The following PPARGC1A variants were observed in gnomAD, a reference collection of about 807,000 sequenced individuals.
PPARGC1A encodes PPARG coactivator 1 alpha, also known as peroxisome proliferator-activated receptor gamma coactivator 1-alpha.
PPARGC1A carries 25 observed loss-of-function variants against 88.7 expected under a neutral mutation model. The observed-to-expected ratio is 0.28, with a 90% CI of 0.21 to 0.39. The LOEUF is 0.39. PPARGC1A is among the 10% of genes least tolerant of loss of function. The pLI is 1.00. For missense variants in PPARGC1A, 880 were observed against 968.7 expected, an observed-to-expected ratio of 0.91 and a Z score of 1.22; for synonymous variants, 363 against 355.6, an observed-to-expected ratio of 1.02 and a Z score of -0.24.
At chr4:24,323,615 ACT>A in the PPARGC1A span, among the ~76,000 whole-genome samples, 752 of 151,554 alleles carry the variant, frequency 5.0e-3, 8 homozygotes, top group South Asian at 0.025. Context: ...CCCTTCACTG[ACT>A]CTCTTTTCGG....
At chr4:24,374,415 T>G in the PPARGC1A span, among the ~76,000 whole-genome samples, 1 of 148,572 alleles carries the variant, frequency 6.7e-6, no homozygotes, top group African/African-American at 2.5e-5. Context: ...AGGGTGGGGG[T>G]GGAAGGAGGG....
chr4:24,325,905 C>T, the PPARGC1A span, among the ~76,000 whole-genome samples: 1 of 152,190 alleles, frequency 6.6e-6, no homozygotes, highest in Non-Finnish European at 1.5e-5. Context: ...GTGGCACCAA[C>T]TTAGACAACA....
the PPARGC1A span, among the ~76,000 whole-genome samples, chr4:24,233,356 T>C: frequency 6.6e-6 from 1 of 151,438 alleles, no homozygotes; most frequent in Non-Finnish European, 1.5e-5. Flanking sequence ...TCTCTCTCTG[T>C]CTTTCTCTCT....
the PPARGC1A span, among the ~76,000 whole-genome samples, chr4:24,275,753 CTT>C: frequency 2.6e-5 from 4 of 152,200 alleles, no homozygotes; most frequent in Non-Finnish European, 5.9e-5. Context: ...CATCAACAGT[CTT>C]TAACAACTCC....
the PPARGC1A span, among the ~76,000 whole-genome samples, chr4:24,362,747 T>C: frequency 6.6e-6 from 1 of 152,158 alleles, no homozygotes; most frequent in Non-Finnish European, 1.5e-5. Context: ...CAGACACAGT[T>C]TCTTCCCATT....
chr4:24,158,496 A>G, the PPARGC1A span, among the ~76,000 whole-genome samples: 1 of 152,138 alleles, frequency 6.6e-6, no homozygotes, highest in African/African-American at 2.4e-5. Context: ...AAAATCGCTC[A>G]CTTCCCTGAA....
At chr4:24,365,238 A>AG in the PPARGC1A span, among the ~76,000 whole-genome samples, 1 of 152,200 alleles carries the variant, frequency 6.6e-6, no homozygotes, top group Admixed American at 6.5e-5. Context: ...ATGAAAATAA[A>AG]GGGGAAAAAA....
the PPARGC1A span, among the ~76,000 whole-genome samples, chr4:23,976,381 G>T: frequency 6.6e-6 from 1 of 152,086 alleles, no homozygotes; most frequent in Non-Finnish European, 1.5e-5. Context: ...TGGGGATGGG[G>T]GTGTTAACAC....
At chr4:23,890,989 T>G (rs981485357), upstream of PPARGC1A, among the ~76,000 whole-genome samples, 1 of 152,122 alleles carries the variant, frequency 6.6e-6, no homozygotes, top group Non-Finnish European at 1.5e-5. Flanking sequence ...CCCTGGGTTG[T>G]GTAGTTTGCG....
chr4:23,869,722 T>C (rs1026875355), intron 2 of PPARGC1A, among the ~76,000 whole-genome samples: 4 of 152,164 alleles, frequency 2.6e-5, no homozygotes, highest in African/African-American at 7.2e-5. Context: ...CGATTTCGTA[T>C]GCTCCAGATG....
At chr4:24,105,627 G>A in the PPARGC1A span, among the ~76,000 whole-genome samples, 95 of 152,132 alleles carry the variant, frequency 6.2e-4, 1 homozygote, top group African/African-American at 2.0e-3. Context: ...TATGTTACTC[G>A]TCCATGGACC....
the PPARGC1A span, among the ~76,000 whole-genome samples, chr4:24,004,484 C>T: frequency 1.3e-5 from 2 of 152,152 alleles, no homozygotes; most frequent in African/African-American, 4.8e-5. Context: ...ACAGATAAAT[C>T]CAAACTGATT....
chr4:24,312,308 G>A, the PPARGC1A span, among the ~76,000 whole-genome samples: 1 of 152,004 alleles, frequency 6.6e-6, no homozygotes, highest in East Asian at 1.9e-4. Context: ...ACGCACTTGT[G>A]GCTTGCCATT....
chr4:23,810,052 C>T (rs1720598881), intron 10 of PPARGC1A, among the ~76,000 whole-genome samples: 1 of 152,144 alleles, frequency 6.6e-6, no homozygotes, highest in Non-Finnish European at 1.5e-5. Flanking sequence ...ATTTTATATC[C>T]CAACCAAATG....
the PPARGC1A span, among the ~76,000 whole-genome samples, chr4:24,442,118 A>C: frequency 2.0e-5 from 3 of 152,214 alleles, no homozygotes; most frequent in African/African-American, 2.4e-5. Context: ...AGTTAACTGA[A>C]ATAGACTTTA....
At chr4:23,841,459 TTAATTC>T (rs1378345675) in intron 2 of PPARGC1A, among the ~76,000 whole-genome samples, 1 of 152,086 alleles carries the variant, frequency 6.6e-6, no homozygotes, top group African/African-American at 2.4e-5. Flanking sequence ...TTTATATACC[TTAATTC>T]ATAGCCAAAA....
At chr4:24,316,724 A>G in the PPARGC1A span, among the ~76,000 whole-genome samples, 3 of 152,234 alleles carry the variant, frequency 2.0e-5, no homozygotes, top group Non-Finnish European at 4.4e-5. Context: ...AATAATGCTT[A>G]TCCTTAAAGA....
the PPARGC1A span, among the ~76,000 whole-genome samples, chr4:24,444,946 G>A: frequency 7.2e-3 from 1,099 of 152,094 alleles, 19 homozygotes; most frequent in Non-Finnish European, 5.6e-3. Flanking sequence ...CCAGCTACTC[G>A]GGAGGCTGAA....
chr4:24,430,092 C>T, the PPARGC1A span, among the ~76,000 whole-genome samples: 1 of 152,018 alleles, frequency 6.6e-6, no homozygotes. Context: ...TTAGATTATC[C>T]CCTAGGACCC....
Sources: gnomAD v4.1 joint callset for allele counts (sites outside exome capture counted in the v4.1 genomes callset) on GRCh38, gnomAD v4.1.1 for gene constraint, MANE v1.5 for transcripts, NCBI Gene and HGNC (gene_info 2026-07-23, HGNC 2026-07-21) for gene names.